The following ABI1 variants were observed in gnomAD, a reference collection of about 807,000 sequenced individuals.
The protein encoded by ABI1 is Abelson interactor 1.
ABI1 carries 14 observed loss-of-function variants against 54.6 expected under a neutral mutation model. The ratio of observed to expected loss-of-function variants is 0.26; its 90% confidence interval spans 0.17 to 0.40. The LOEUF (loss-of-function observed/expected upper bound fraction) is 0.40, where lower values mean the gene tolerates loss of function less well. Among genes scored for constraint, ABI1 ranks in the 10% least tolerant of loss-of-function variants. The pLI, the probability that ABI1 is intolerant of heterozygous loss-of-function variation, is 1.00. For missense variants in ABI1, 443 were observed against 598.3 expected (o/e 0.74, Z 2.71); for synonymous variants, 194 against 209.3 (o/e 0.93, Z 0.63).
chr10:26,802,179 A>G (rs1280056378), intron 2 of ABI1, among the ~76,000 whole-genome samples: 1 of 152,230 alleles, frequency 6.6e-6, no homozygotes. Context: ...AAAGTCTAAG[A>G]AGAGTTAGGA....
chr10:26,755,846 C>A, intron 8 of ABI1, 105 bp from the exon 9 acceptor site: 1 of 694,258 alleles, frequency 1.4e-6, no homozygotes, highest in African/African-American at 1.8e-5. Context: ...CATAAGTATG[C>A]AAAGAACAGT....
In ABI1 at chr10:26,821,243, T is replaced by TA. The variant is rs34139312; in HGVS notation, c.285+1894dup. Among the ~76,000 whole-genome samples the TA allele has an allele frequency of 5.8e-3, 662 of 114,906 alleles. 22 individuals carry two copies. The highest frequency in any genetic ancestry group is 7.8e-3 in the Non-Finnish European group (453 of 58,012). 75.4% of individuals were successfully genotyped at this position (114,906 alleles called of 152,430 possible). On this transcript the variant is annotated intron_variant, in intron 2 of 10. Coordinates refer to ENST00000376140, the MANE Select transcript of ABI1 (RefSeq NM_001012750.3). ...CTGGGCATCAGAGCAAGACTCCATC[T>TA]AAAAAAAAAAAAAAAAGTATAAAAT...
At chr10:26,825,847 T>G (rs937974120) in intron 1 of ABI1, among the ~76,000 whole-genome samples, 2 of 152,212 alleles carry the variant, frequency 1.3e-5, no homozygotes, top group Non-Finnish European at 2.9e-5. Flanking sequence ...AAGGAACAAC[T>G]CATCCATTCA....
intron 1 of ABI1, among the ~76,000 whole-genome samples, chr10:26,824,269 C>G (rs1486617802): frequency 6.6e-6 from 1 of 152,194 alleles, no homozygotes; most frequent in African/African-American, 2.4e-5. Flanking sequence ...TCTGACAAGA[C>G]ACTCAGCAAA....
At chr10:26,765,496 T>C (rs977902932) in intron 6 of ABI1, among the ~76,000 whole-genome samples, 178 bp from the exon 7 acceptor site, 2 of 152,170 alleles carry the variant, frequency 1.3e-5, no homozygotes, top group Admixed American at 1.3e-4. Flanking sequence ...GTTCAAGTCC[T>C]GCAGTTGGCC....
At chr10:26,805,801 G>GT (rs564022878) in intron 2 of ABI1, among the ~76,000 whole-genome samples, 484 of 152,288 alleles carry the variant, frequency 3.2e-3, no homozygotes, top group Admixed American at 5.4e-3. Context: ...CAGGAGCTGT[G>GT]TAATTCCAGC....
At chr10:26,771,182 A>G (rs1840647166) in intron 3 of ABI1, 93 bp from the exon 4 acceptor site, 1 of 1,341,600 alleles carries the variant, frequency 7.5e-7, no homozygotes. Flanking sequence ...CAGTTACTCA[A>G]TTCATGTTAA....
intron 7 of ABI1, among the ~76,000 whole-genome samples, chr10:26,762,306 C>T (rs1033792182): frequency 6.6e-6 from 1 of 152,182 alleles, no homozygotes; most frequent in Non-Finnish European, 1.5e-5. Context: ...CTGTGCCCAG[C>T]CTTACAGCTT....
At chr10:26,785,973 T>C (rs1842690445) in intron 2 of ABI1, among the ~76,000 whole-genome samples, 1 of 152,092 alleles carries the variant, frequency 6.6e-6, no homozygotes, top group South Asian at 2.1e-4. Flanking sequence ...TCATCAGTAA[T>C]AAAGTCCTAT....
intron 2 of ABI1, among the ~76,000 whole-genome samples, chr10:26,807,887 T>C (rs2046975699): frequency 1.3e-5 from 2 of 151,828 alleles, no homozygotes; most frequent in African/African-American, 4.8e-5. Flanking sequence ...AGGTCAGGAG[T>C]TGGAGGCCAG....
chr10:26,754,558 A>G (rs1838037529), intron 9 of ABI1, among the ~76,000 whole-genome samples: 1 of 152,188 alleles, frequency 6.6e-6, no homozygotes, highest in South Asian at 2.1e-4. Context: ...GGCACGTAAC[A>G]TCGGGTACAC....
chr10:26,768,849 T>C lies in ABI1; in HGVS notation c.719+3A>G, dbSNP rs761392463. On this transcript the variant is annotated splice_donor_region_variant and intron_variant, in intron 6 of 10. Transcript: ENST00000376140. The stretch of plus-strand genomic sequence containing the variant: ...TGTTGAGATACTCAACCTAAAGGCT[T>C]ACCTGTGTGTCCTTGGTCTCTGATT... 14 of 1,611,746 alleles carry C rather than the reference T, an allele frequency of 8.7e-6. No homozygotes were observed. The South Asian group carries it at 1.3e-4, about 15-fold the overall frequency.
intron 2 of ABI1, 22 bp from the exon 3 acceptor site, chr10:26,777,263 A>C: frequency 6.4e-7 from 1 of 1,573,242 alleles, no homozygotes; most frequent in South Asian, 1.2e-5. Context: ...TTTGAACAAA[A>C]CAAGAAAATA....
intron 9 of ABI1, among the ~76,000 whole-genome samples, chr10:26,754,950 C>CCA (rs1554803967): frequency 4.0e-5 from 6 of 151,708 alleles, no homozygotes; most frequent in African/African-American, 7.3e-5. Context: ...TCTCCCCCCC[C>CCA]ACAAAAAAAA....
intron 1 of ABI1, among the ~76,000 whole-genome samples, chr10:26,836,589 T>A (rs2049095343): frequency 6.6e-6 from 1 of 152,174 alleles, no homozygotes; most frequent in South Asian, 2.1e-4. Flanking sequence ...CTTGTGACAT[T>A]TTCCAAATGA....
intron 2 of ABI1, among the ~76,000 whole-genome samples, chr10:26,813,955 T>C (rs2047398573): frequency 6.6e-6 from 1 of 152,202 alleles, no homozygotes; most frequent in Non-Finnish European, 1.5e-5. Flanking sequence ...TAATTTAAGA[T>C]GTAAAAGGTT....
intron 2 of ABI1, among the ~76,000 whole-genome samples, chr10:26,788,831 T>C (rs1369511037): frequency 2.1e-5 from 3 of 142,486 alleles, no homozygotes; most frequent in South Asian, 2.1e-4. Flanking sequence ...GAGAATGGCA[T>C]GAACCTGGGA....
At chr10:26,751,461 G>A in intron 10 of ABI1, 137 bp downstream of exon 10, 1 of 773,408 alleles carries the variant, frequency 1.3e-6, no homozygotes, top group South Asian at 2.4e-5. Flanking sequence ...AACTTAGGAA[G>A]TAAGGTTTAA....
intron 1 of ABI1, among the ~76,000 whole-genome samples, chr10:26,827,589 G>A (rs2048383848): frequency 1.6e-5 from 1 of 63,890 alleles, no homozygotes; most frequent in Admixed American, 1.6e-4. Context: ...TTCACTTTCT[G>A]TTTTTTGTTT....
Sources: gnomAD v4.1 joint callset for allele counts (sites outside exome capture counted in the v4.1 genomes callset) on GRCh38, gnomAD v4.1.1 for gene constraint, MANE v1.5 for transcripts, NCBI Gene and HGNC (gene_info 2026-07-23, HGNC 2026-07-21) for gene names.